SETBP1: variants seen among roughly 807,000 people sequenced by gnomAD.
The protein encoded by SETBP1 is SET binding protein 1, also known as SET-binding protein.
Under a neutral mutation model 101.0 loss-of-function variants are expected in SETBP1, and 9 were observed. That is an observed-to-expected ratio of 0.09 (90% CI 0.05 to 0.16). The LOEUF is 0.16. Among genes scored for constraint, SETBP1 ranks in the 10% least tolerant of loss-of-function variants. The pLI, the probability that SETBP1 is intolerant of heterozygous loss-of-function variation, is 1.00. For synonymous variants in SETBP1, 818 were observed against 788.5 expected (o/e 1.04, Z -0.63); for missense variants, 1,858 against 2,033.8 (o/e 0.91, Z 1.66).
chr18:44,959,077 C>G (rs938333277), intron 4 of SETBP1, among the ~76,000 whole-genome samples: 12 of 152,152 alleles, frequency 7.9e-5, no homozygotes, highest in Non-Finnish European at 1.2e-4. Flanking sequence ...TTGAAGTCCC[C>G]GAGCCATTTA....
In SETBP1 at chr18:45,063,940, C is replaced by A; in HGVS notation, c.*242C>A. On this transcript the variant is annotated 3_prime_UTR_variant, in exon 6 of 6. Transcript: ENST00000649279. ...TCACCGCAGCTCCCACCACGCGGCG[C>A]TTCAGTACGGCTGGATCCTCCGCAG... The A allele has an allele frequency of 2.1e-6, 1 of 465,458 alleles. No individual in the cohort carries two copies. The highest frequency in any genetic ancestry group is 3.9e-6 in the Non-Finnish European group (1 of 254,932). The allele number at this position is 465,458 out of a possible 1,614,324, so 28.8% of individuals were successfully genotyped here. A position where few individuals can be genotyped will look rare whatever the true frequency, so the allele number is the denominator to read the frequency against.
chr18:44,949,889 G>A lies in SETBP1; in HGVS notation c.549G>A (p.Glu183=). The change falls in exon 4 of 6, where the codon GAG becomes GAA. Residue 183 remains glutamate (E), a synonymous_variant. Coordinates refer to ENST00000649279, the MANE Select transcript of SETBP1 (RefSeq NM_015559.3). The part of the protein sequence containing the change: ...DLKGFQPQAY[E]RPQKHSTLHY... ...ACTCCACCCACCCTTAGGCTTACGAGAGGCCCCAGAAACATTCAACTCTCC... is the reference window on the plus strand; with the variant it reads ...ACTCCACCCACCCTTAGGCTTACGAAAGGCCCCAGAAACATTCAACTCTCC... 1 of 1,613,204 alleles carries A rather than the reference G, an allele frequency of 6.2e-7. No homozygotes were observed. The highest frequency in any genetic ancestry group is 8.5e-7 in the Non-Finnish European group (1 of 1,179,966).
chr18:44,829,873 C>T (rs1599186220), intron 2 of SETBP1, among the ~76,000 whole-genome samples: 1 of 152,164 alleles, frequency 6.6e-6, no homozygotes, highest in African/African-American at 2.4e-5. Context: ...CATTATTTAC[C>T]ATTGCCTAAC....
Position 44,701,165 on chromosome 18 carries a change from T to C in SETBP1, c.-172-10T>C. ...TTTCTGCCATGCCTAACTGTCTCTTTGCTTCTCAGTTGCAGATCTGATCTC... is the reference window on the plus strand; with the variant it reads ...TTTCTGCCATGCCTAACTGTCTCTTCGCTTCTCAGTTGCAGATCTGATCTC... On this transcript the variant is annotated splice_polypyrimidine_tract_variant and intron_variant, in intron 1 of 5. Coordinates refer to ENST00000649279, the MANE Select transcript of SETBP1 (RefSeq NM_015559.3). The C allele has an allele frequency of 1.9e-6, 1 of 532,194 alleles. No individual in the cohort carries two copies. Among genetic ancestry groups the C allele is most frequent in the Non-Finnish European group, 3.1e-6 (1 of 324,558 alleles). 33.0% of individuals were successfully genotyped at this position (532,194 alleles called of 1,614,324 possible).
At chr18:44,844,353 G>GTGCACACA (rs1555689968) in intron 2 of SETBP1, among the ~76,000 whole-genome samples, 3 of 138,184 alleles carry the variant, frequency 2.2e-5, no homozygotes, top group Admixed American at 7.2e-5. Flanking sequence ...ACACACGCGC[G>GTGCACACA]CACACACACA....
At chr18:44,720,534 G>A (rs376245499) in intron 2 of SETBP1, among the ~76,000 whole-genome samples, 32 of 152,322 alleles carry the variant, frequency 2.1e-4, no homozygotes, top group African/African-American at 7.0e-4. Context: ...CAGAGCCATC[G>A]CTCCCAGTTT....
intron 2 of SETBP1, among the ~76,000 whole-genome samples, chr18:44,786,764 A>G (rs1247064478): frequency 6.6e-6 from 1 of 152,210 alleles, no homozygotes; most frequent in South Asian, 2.1e-4. Flanking sequence ...TCCTCCAAGA[A>G]CAAGTTTTAG....
At chr18:44,890,986 A>G (rs553290410) in intron 3 of SETBP1, among the ~76,000 whole-genome samples, 21 of 152,320 alleles carry the variant, frequency 1.4e-4, no homozygotes, top group Admixed American at 1.2e-3. Context: ...TGATAAAGAC[A>G]TACTGAAGAC....
chr18:44,831,442 CA>C (rs2072366776), intron 2 of SETBP1, among the ~76,000 whole-genome samples: 1 of 152,134 alleles, frequency 6.6e-6, no homozygotes, highest in Non-Finnish European at 1.5e-5. Context: ...GGTTAGATAC[CA>C]TTATGACTTT....
At chr18:44,980,631 G>A (rs569013963) in intron 4 of SETBP1, among the ~76,000 whole-genome samples, 4 of 152,286 alleles carry the variant, frequency 2.6e-5, no homozygotes, top group African/African-American at 4.8e-5. Flanking sequence ...AGGTTGAGGA[G>A]CCTTGAAAGG....
intron 3 of SETBP1, among the ~76,000 whole-genome samples, chr18:44,893,280 C>T (rs1354516822): frequency 1.3e-5 from 2 of 152,192 alleles, no homozygotes; most frequent in African/African-American, 4.8e-5. Flanking sequence ...AAAGGCCAGT[C>T]ATTAGAACTG....
At chr18:45,029,102 G>A (rs377546369) in intron 4 of SETBP1, among the ~76,000 whole-genome samples, 2 of 152,052 alleles carry the variant, frequency 1.3e-5, no homozygotes, top group Non-Finnish European at 2.9e-5. Context: ...TATGTCCTGA[G>A]TGGTAATGCC....
At position 44,951,298 on chromosome 18, in the gene SETBP1, G is replaced by A; in HGVS notation, c.1958G>A (p.Gly653Glu). ...MSEMKFHKKV[G>E]KLGVLDKKTI... Reference sequence around the variant, plus strand: ...GAGATGAAATTTCACAAGAAAGTTGGAAAGCTCGGCGTGTTGGATAAGAAG... The same window carrying A: ...GAGATGAAATTTCACAAGAAAGTTGAAAAGCTCGGCGTGTTGGATAAGAAG... Residue 653 changes from glycine to glutamate, a missense_variant, in exon 4 of 6, where the codon GGA becomes GAA. Around this residue, in one of 12 missense-constraint regions of SETBP1, gnomAD observed 111 missense variants for 119.3 expected, o/e 0.93. Coordinates refer to ENST00000649279, the MANE Select transcript of SETBP1 (RefSeq NM_015559.3). The surrounding 1 kb of genome is among the most constrained non-coding windows in gnomAD (Gnocchi z 7.8). 1 of 1,613,652 alleles carries A rather than the reference G, an allele frequency of 6.2e-7. No individual in the cohort carries two copies. The highest frequency in any genetic ancestry group is 8.5e-7 in the Non-Finnish European group (1 of 1,180,034).
intron 4 of SETBP1, among the ~76,000 whole-genome samples, chr18:44,973,691 A>G (rs946599135): frequency 6.6e-6 from 1 of 152,220 alleles, no homozygotes; most frequent in African/African-American, 2.4e-5. Context: ...CAGTGAGAAG[A>G]AAGACAGGAA....
At chr18:44,805,074 C>T (rs2071698402) in intron 2 of SETBP1, among the ~76,000 whole-genome samples, 1 of 152,092 alleles carries the variant, frequency 6.6e-6, no homozygotes, top group Non-Finnish European at 1.5e-5. Flanking sequence ...TGGACTCAAG[C>T]TTCTCCCAAG....
At chr18:44,965,932 C>T (rs759597171) in intron 4 of SETBP1, among the ~76,000 whole-genome samples, 32 of 152,278 alleles carry the variant, frequency 2.1e-4, no homozygotes, top group South Asian at 1.2e-3. Context: ...GCTTACCTTC[C>T]GCCATGCCAG....
chr18:44,951,771 A>G lies in SETBP1; in HGVS notation c.2431A>G (p.Ile811Val), dbSNP rs1159193350. ...GAAAACTATGCCAAATCTCCAGCCCATCAGTGCTCTTCCAACCAAAACCCA... is the reference window on the plus strand; with the variant it reads ...GAAAACTATGCCAAATCTCCAGCCCGTCAGTGCTCTTCCAACCAAAACCCA... ...ELKTMPNLQP[I>V]SALPTKTQKG... Residue 811 changes from isoleucine to valine, a missense_variant, in exon 4 of 6, where the codon ATC becomes GTC. Transcript: ENST00000649279. The surrounding 1 kb of genome is among the most constrained non-coding windows in gnomAD (Gnocchi z 7.8). The G allele has an allele frequency of 6.2e-7, 1 of 1,614,132 alleles. No individual in the cohort carries two copies. The highest frequency in any genetic ancestry group is 8.5e-7 in the Non-Finnish European group (1 of 1,180,036).
At chr18:44,723,629 C>T (rs2069648264) in intron 2 of SETBP1, among the ~76,000 whole-genome samples, 1 of 152,170 alleles carries the variant, frequency 6.6e-6, no homozygotes, top group Non-Finnish European at 1.5e-5. Flanking sequence ...TTTGCTTGGC[C>T]CATCTTATTA....
rs1415707872 is a variant in SETBP1, at chr18:44,681,005, T to A, written c.-189T>A. ...AATAGAAAGAAGAACAGGCAAGAAG[T>A]GGTCCAGCCGGCGAAGGTTGGTGTG... On this transcript the variant is annotated 5_prime_UTR_variant, in exon 1 of 6. Coordinates refer to ENST00000649279, the MANE Select transcript of SETBP1 (RefSeq NM_015559.3). The A allele has an allele frequency of 6.6e-6, 1 of 152,126 alleles. No individual in the cohort carries two copies. The highest frequency in any genetic ancestry group is 1.5e-5 in the Non-Finnish European group (1 of 68,084). 9.4% of individuals were successfully genotyped at this position (152,126 alleles called of 1,614,324 possible). A position where few individuals can be genotyped will look rare whatever the true frequency, so the allele number is the denominator to read the frequency against.
Sources: gnomAD v4.1 joint callset for allele counts (sites outside exome capture counted in the v4.1 genomes callset) on GRCh38, gnomAD v4.1.1 for gene constraint, gnomAD v4.1.1 regional missense constraint, Gnocchi (gnomAD v3.1) non-coding constraint, MANE v1.5 for transcripts, NCBI Gene and HGNC (gene_info 2026-07-23, HGNC 2026-07-21) for gene names.